PCID2: variants seen among roughly 807,000 people sequenced by gnomAD.
PCID2 encodes the protein PCI domain containing 2.
PCID2 carries 41 observed loss-of-function variants against 61.3 expected under a neutral mutation model. That is an observed-to-expected ratio of 0.67 (90% CI 0.52 to 0.87). PCID2 has a LOEUF of 0.87. Among genes scored for constraint, PCID2 ranks in the 40% least tolerant of loss-of-function variants. The pLI is 0.00. For synonymous variants in PCID2, 187 were observed against 177.8 expected (o/e 1.05, Z -0.41); for missense variants, 392 against 493.4 (o/e 0.79, Z 1.95).
At chr13:113,206,021 CAAGTT>C (rs1048067303) in intron 1 of PCID2, among the ~76,000 whole-genome samples, 25 of 152,244 alleles carry the variant, frequency 1.6e-4, no homozygotes, top group Admixed American at 1.4e-3. Flanking sequence ...CTGGTGATGC[CAAGTT>C]AACAGGTAAA....
At chr13:113,193,516 G>A (rs1595219098) in intron 6 of PCID2, among the ~76,000 whole-genome samples, 1 of 152,194 alleles carries the variant, frequency 6.6e-6, no homozygotes, top group South Asian at 2.1e-4. Context: ...GGTCAAAAGT[G>A]ATGTGACACT....
At chr13:113,192,490 G>A (rs1394155094) in intron 6 of PCID2, among the ~76,000 whole-genome samples, 2 of 152,166 alleles carry the variant, frequency 1.3e-5, no homozygotes, top group Non-Finnish European at 2.9e-5. Context: ...ACCCAGGCTT[G>A]GGCATCTGGC....
the PCID2 span, chr13:113,170,430 C>G: frequency 6.2e-7 from 1 of 1,602,384 alleles, no homozygotes; most frequent in African/African-American, 1.3e-5. Context: ...TAACAAATTC[C>G]GAAGGAAAAG....
chr13:113,201,311 T>A (rs2138926112), intron 1 of PCID2, among the ~76,000 whole-genome samples: 1 of 152,138 alleles, frequency 6.6e-6, no homozygotes, highest in Non-Finnish European at 1.5e-5. Context: ...GAAAACTGTA[T>A]AACTTGATTT....
At position 113,195,131 on chromosome 13, in the gene PCID2, G is replaced by A. The variant is rs764471950; in HGVS notation, c.309-6C>T. ...CATACATGACAGGCAGAGCCCTGCA[G>A]GGCAAAAAAGTAAACAAGTGTGAGG... On this transcript the variant is annotated splice_region_variant and splice_polypyrimidine_tract_variant and intron_variant, in intron 5 of 13. Transcript: ENST00000337344. The A allele has an allele frequency of 1.4e-5, 23 of 1,602,528 alleles. No homozygotes were observed. In the South Asian group the frequency reaches 2.2e-4, roughly 15 times the overall value.
In PCID2 at chr13:113,179,121, T is replaced by C. The variant is rs1165425951; in HGVS notation, c.987-32A>G. The stretch of plus-strand genomic sequence containing the variant: ...GAGGGGAGGAGAAGGGCACTGTGGT[T>C]ACCGACAGGATGCAATACTCCACAG... On this transcript the variant is annotated intron_variant, in intron 12 of 13. Coordinates refer to ENST00000337344, the MANE Select transcript of PCID2 (RefSeq NM_001127202.4). This position sits in a 1 kb window ranked among gnomAD's most constrained non-coding sequence, Gnocchi z 4.3. 42 of 1,603,360 alleles carry C rather than the reference T, an allele frequency of 2.6e-5. No individual in the cohort carries two copies. Among genetic ancestry groups the C allele is most frequent in the Non-Finnish European group, 3.6e-5 (42 of 1,174,350 alleles).
Position 113,185,529 on chromosome 13 carries a change from C to G in PCID2, c.499G>C (p.Gly167Arg), listed in dbSNP as rs1253321568. Residue 167 changes from glycine to arginine, a missense_variant, in exon 8 of 14, where the codon GGC (glycine) becomes CGC (arginine). By Grantham distance (125) the Gly-to-Arg change is moderately radical. This residue lies in a region of PCID2 where 226 missense variants were observed against 296.5 expected (regional missense o/e 0.76). Transcript: ENST00000337344. Reference protein sequence around the residue: ...RAGIEDSKKWGMLFLVNQLFK... With the variant: ...RAGIEDSKKWRMLFLVNQLFK... ...AGCTGGTTCACCAGAAACAGCATGC[C>G]CCACTTCTTAGAGTCCTCTATACCA... The G allele has an allele frequency of 6.2e-7, 1 of 1,612,982 alleles. No individual in the cohort carries two copies. The highest frequency in any genetic ancestry group is 1.1e-5 in the South Asian group (1 of 91,042).
At chr13:113,181,417 C>T (rs1005836272) in intron 9 of PCID2, among the ~76,000 whole-genome samples, 187 bp from the exon 10 acceptor site, 3 of 152,186 alleles carry the variant, frequency 2.0e-5, no homozygotes, top group African/African-American at 7.2e-5. Context: ...TCCATACCCC[C>T]AAATTCAACA....
chr13:113,197,339 C>G (rs1252951286), intron 3 of PCID2, 96 bp from the exon 4 acceptor site: 1 of 846,292 alleles, frequency 1.2e-6, no homozygotes, highest in African/African-American at 1.7e-5. Context: ...TCCCAGTGGT[C>G]CTGGGATGAA....
chr13:113,166,378 A>T, the PCID2 span: 1 of 152,128 alleles, frequency 6.6e-6, no homozygotes, highest in Admixed American at 6.5e-5. Context: ...AATGCTCCGT[A>T]CCCGAGTGTG....
chr13:113,200,953 C>CA (rs998206038), intron 1 of PCID2, among the ~76,000 whole-genome samples: 30 of 151,744 alleles, frequency 2.0e-4, no homozygotes, highest in African/African-American at 6.5e-4. Context: ...GTTCCTGAAG[C>CA]AAAAAAACAG....
chr13:113,180,064 CAGA>C (rs1174378506), intron 11 of PCID2, 22 bp from the exon 12 acceptor site: 4 of 1,613,584 alleles, frequency 2.5e-6, no homozygotes, highest in Non-Finnish European at 3.4e-6. Context: ...GGAGGCGCGT[CAGA>C]AGGAGGGTGA....
At chr13:113,178,486 A>C in intron 13 of PCID2, 199 bp from the exon 14 acceptor site, 2 of 504,722 alleles carry the variant, frequency 4.0e-6, no homozygotes, top group Non-Finnish European at 7.2e-6. Context: ...GAATCTAACC[A>C]ACTGTGGACT....
At position 113,208,596 on chromosome 13, in the gene PCID2, C is replaced by T; in HGVS notation, c.36+3G>A. On this transcript the variant is annotated splice_donor_region_variant and intron_variant, in intron 1 of 13. Transcript: ENST00000337344. ...CGCCGCGCGCTCCCCGGCTAGGACCCACCTGCTGCAGGTACTGGTTAATGG... is the reference window on the plus strand; with the variant it reads ...CGCCGCGCGCTCCCCGGCTAGGACCTACCTGCTGCAGGTACTGGTTAATGG... 2 of 1,605,818 alleles carry T rather than the reference C, an allele frequency of 1.2e-6. No homozygotes were observed. The highest frequency in any genetic ancestry group is 1.7e-5 in the Admixed American group (1 of 59,508).
chr13:113,195,245 A>C (rs1227952323), intron 5 of PCID2, 120 bp from the exon 6 acceptor site: 1 of 706,994 alleles, frequency 1.4e-6, no homozygotes, highest in Non-Finnish European at 2.6e-6. Flanking sequence ...CACTTATCCA[A>C]AACTCTGACA....
At chr13:113,170,401 T>C in the PCID2 span, 2 of 1,489,790 alleles carry the variant, frequency 1.3e-6, no homozygotes, top group Non-Finnish European at 1.9e-6. Context: ...TTGTCTGTTT[T>C]GATTTTTAAA....
chr13:113,208,065 T>G (rs760120886), intron 1 of PCID2: 1 of 1,612,840 alleles, frequency 6.2e-7, no homozygotes, highest in South Asian at 1.1e-5. Flanking sequence ...TACCGAGCGA[T>G]ATGAAGTGTG....
chr13:113,170,393 G>A, the PCID2 span: 1 of 1,421,764 alleles, frequency 7.0e-7, no homozygotes, highest in African/African-American at 1.4e-5. Context: ...GCTATTTATT[G>A]TCTGTTTTGA....
intron 1 of PCID2, among the ~76,000 whole-genome samples, chr13:113,201,973 T>C (rs369128822): frequency 5.8e-4 from 89 of 152,180 alleles, no homozygotes; most frequent in African/African-American, 2.1e-3. Flanking sequence ...CATGTGCAAA[T>C]GGCAAAAAAG....
Sources: allele counts gnomAD v4.1 joint callset (sites outside exome capture counted in the v4.1 genomes callset), GRCh38; gene constraint gnomAD v4.1.1; regional missense constraint gnomAD v4.1.1; non-coding constraint Gnocchi (gnomAD v3.1); transcripts MANE v1.5; gene names NCBI Gene and HGNC (gene_info 2026-07-23, HGNC 2026-07-21).